The following KLF12 variants were observed in gnomAD, a reference collection of about 807,000 sequenced individuals.
KLF12 encodes the protein Krueppel-like factor 12.
A neutral mutation model predicts 37.8 loss-of-function variants in KLF12; 9 were observed. The ratio of observed to expected loss-of-function variants is 0.24; its 90% CI spans 0.14 to 0.42. The LOEUF is 0.42. Among genes scored for constraint, KLF12 ranks in the 10% least tolerant of loss-of-function variants. The probability of loss-of-function intolerance (pLI) is 1.00; values close to 1 mark genes in which losing one functional copy is unlikely to be tolerated. For synonymous variants in KLF12, 208 were observed against 202.1 expected (o/e 1.03, Z -0.25); for missense variants, 411 against 516.0 (o/e 0.80, Z 1.97).
chr13:73,749,513 A>G (rs945796861), intron 6 of KLF12, among the ~76,000 whole-genome samples: 8 of 152,326 alleles, frequency 5.3e-5, no homozygotes, highest in African/African-American at 7.2e-5. Context: ...CACAAAGCCC[A>G]TCCAGGGGGT....
the KLF12 span, among the ~76,000 whole-genome samples, chr13:74,202,583 G>A: frequency 6.6e-6 from 1 of 152,098 alleles, no homozygotes. Context: ...ATCTGTCTAT[G>A]CTTCAGCACC....
intron 6 of KLF12, among the ~76,000 whole-genome samples, 174 bp downstream of exon 6, chr13:73,764,764 G>T (rs989992127): frequency 1.3e-5 from 2 of 152,104 alleles, no homozygotes; most frequent in Admixed American, 1.3e-4. Context: ...GGGCTGGAAA[G>T]GAACTCTATC....
the KLF12 span, among the ~76,000 whole-genome samples, chr13:74,269,006 C>T: frequency 3.3e-5 from 5 of 152,022 alleles, no homozygotes; most frequent in African/African-American, 7.3e-5. Context: ...TCAACTGAGA[C>T]GAAAGTGGGG....
At chr13:73,839,258 ATTTT>A in intron 4 of KLF12, among the ~76,000 whole-genome samples, 1 of 113,044 alleles carries the variant, frequency 8.8e-6, no homozygotes, top group Non-Finnish European at 1.9e-5. Flanking sequence ...ATACCTGGTT[ATTTT>A]TTTTTTTTTT....
intron 3 of KLF12, among the ~76,000 whole-genome samples, chr13:73,902,293 A>G (rs1458266190): frequency 6.6e-6 from 1 of 152,214 alleles, no homozygotes; most frequent in Admixed American, 6.5e-5. Context: ...AACTATTTTG[A>G]GGCAGGCATT....
At chr13:74,014,196 C>T (rs945685380) in intron 1 of KLF12, among the ~76,000 whole-genome samples, 2 of 152,214 alleles carry the variant, frequency 1.3e-5, no homozygotes, top group Admixed American at 1.3e-4. Context: ...ACTGTGAAAA[C>T]GTTCTAGAAG....
intron 1 of KLF12, among the ~76,000 whole-genome samples, chr13:74,063,975 A>C (rs1873759273): frequency 6.6e-6 from 1 of 152,238 alleles, no homozygotes; most frequent in Admixed American, 6.5e-5. Flanking sequence ...ATTTATGCCC[A>C]AAGAAGAAGC....
intron 3 of KLF12, among the ~76,000 whole-genome samples, chr13:73,884,615 ACT>A (rs1293196119): frequency 6.6e-6 from 1 of 152,194 alleles, no homozygotes; most frequent in Non-Finnish European, 1.5e-5. Flanking sequence ...CCCCAACAGA[ACT>A]TTCTGCATGA....
At chr13:74,165,051 C>T in the KLF12 span, among the ~76,000 whole-genome samples, 2 of 151,998 alleles carry the variant, frequency 1.3e-5, no homozygotes, top group Non-Finnish European at 2.9e-5. Context: ...CTGAGGATAA[C>T]TAGAATGTTT....
the KLF12 span, among the ~76,000 whole-genome samples, chr13:74,302,539 A>G: frequency 1.3e-5 from 2 of 152,170 alleles, no homozygotes; most frequent in East Asian, 1.9e-4. Flanking sequence ...ACAGAATAAA[A>G]GGAAGACTGA....
intron 7 of KLF12, among the ~76,000 whole-genome samples, chr13:73,709,532 T>C (rs550838355): frequency 6.6e-6 from 1 of 152,222 alleles, no homozygotes; most frequent in Non-Finnish European, 1.5e-5. Flanking sequence ...TGTTACAAAA[T>C]CTTATACATA....
At chr13:73,881,819 A>C (rs9565056) in intron 3 of KLF12, among the ~76,000 whole-genome samples, 33,358 of 152,096 alleles carry the variant, frequency 0.22, 4,408 homozygotes, top group East Asian at 0.56. Flanking sequence ...TCCTGGTCCT[A>C]GCACAAGATC....
At chr13:74,102,111 G>A (rs562850351) in intron 1 of KLF12, among the ~76,000 whole-genome samples, 1 of 151,734 alleles carries the variant, frequency 6.6e-6, no homozygotes, top group East Asian at 2.0e-4. Flanking sequence ...CCAGCTACTC[G>A]GGAAGCTGAG....
At position 73,839,125 on chromosome 13, in the gene KLF12, C is replaced by T. The variant is rs572236477; in HGVS notation, c.670+6702G>A. Reference sequence around the variant, plus strand: ...TTTTTTTTTTTAAGATGGGATTTGGCTCTGTCACCCAGGCTGGAGTGCAGT... The same window carrying T: ...TTTTTTTTTTTAAGATGGGATTTGGTTCTGTCACCCAGGCTGGAGTGCAGT... On this transcript the variant is annotated intron_variant, in intron 4 of 7. Transcript: ENST00000377669. Among the ~76,000 whole-genome samples, 20 of 148,888 alleles carry T rather than the reference C, an allele frequency of 1.3e-4. 1 individual carries two copies. Among genetic ancestry groups the T allele is most frequent in the African/African-American group, 5.0e-4 (20 of 40,202 alleles).
At chr13:73,996,218 G>C (rs1892115620) in intron 1 of KLF12, among the ~76,000 whole-genome samples, 1 of 152,242 alleles carries the variant, frequency 6.6e-6, no homozygotes, top group African/African-American at 2.4e-5. Context: ...GCTTTTACCA[G>C]GCATGCTACT....
At chr13:74,034,400 C>G (rs528458756) in intron 1 of KLF12, among the ~76,000 whole-genome samples, 6 of 152,130 alleles carry the variant, frequency 3.9e-5, no homozygotes, top group Non-Finnish European at 8.8e-5. Flanking sequence ...AATCCCAGTT[C>G]AAATATTTTC....
At chr13:73,832,241 T>C (rs1337132830) in intron 4 of KLF12, among the ~76,000 whole-genome samples, 2 of 152,188 alleles carry the variant, frequency 1.3e-5, no homozygotes, top group African/African-American at 2.4e-5. Context: ...TTATTTACTC[T>C]TTTCCTGGTC....
chr13:73,760,519 T>C (rs939704660), intron 6 of KLF12, among the ~76,000 whole-genome samples: 1 of 151,804 alleles, frequency 6.6e-6, no homozygotes, highest in Non-Finnish European at 1.5e-5. Context: ...AGCTGGCGTC[T>C]CACTATGTTG....
At chr13:73,796,161 G>A (rs1212211038) in intron 5 of KLF12, among the ~76,000 whole-genome samples, 2 of 151,978 alleles carry the variant, frequency 1.3e-5, no homozygotes, top group African/African-American at 2.4e-5. Context: ...CATTCCAATC[G>A]ATCTCTAGTG....
Sources: allele counts gnomAD v4.1 joint callset (sites outside exome capture counted in the v4.1 genomes callset), GRCh38; gene constraint gnomAD v4.1.1; transcripts MANE v1.5; gene names NCBI Gene and HGNC (gene_info 2026-07-23, HGNC 2026-07-21).